Variants in KCNK16 observed in about 807,000 individuals in gnomAD.
The protein encoded by KCNK16 is potassium two pore domain channel subfamily K member 16, also known as potassium channel subfamily K member 16.
Under a neutral mutation model 23.0 loss-of-function variants are expected in KCNK16, and 23 were observed. That is an observed-to-expected ratio of 1.00 (90% CI 0.72 to 1.41). KCNK16 has a LOEUF of 1.41. Ranked by LOEUF, KCNK16 falls within the 40% of genes most tolerant of loss-of-function variation. The probability of loss-of-function intolerance (pLI) is 0.00; values close to 1 mark genes in which losing one functional copy is unlikely to be tolerated. For synonymous variants in KCNK16, 145 were observed against 153.5 expected (o/e 0.94, Z 0.41); for missense variants, 327 against 365.8 (o/e 0.89, Z 0.87).
intron 2 of KCNK16, among the ~76,000 whole-genome samples, chr6:39,318,261 CT>C (rs534826289): frequency 4.3e-4 from 66 of 152,182 alleles, no homozygotes; most frequent in African/African-American, 1.3e-3. Flanking sequence ...TTTTCTATTA[CT>C]TTTTTTTGTG....
downstream of KCNK16, chr6:39,314,961 G>A: frequency 6.5e-7 from 1 of 1,526,848 alleles, no homozygotes; most frequent in Non-Finnish European, 8.8e-7. Flanking sequence ...TCTACCTGGA[G>A]TGGAGGAAGC....
chr6:39,316,106 C>T (rs932293826), downstream of KCNK16: 7 of 1,405,772 alleles, frequency 5.0e-6, no homozygotes, highest in African/African-American at 1.0e-4. Context: ...GAGACCAGCC[C>T]TGGCTGAGAA....
downstream of KCNK16, chr6:39,315,123 C>CT (rs774247961): frequency 4.7e-5 from 76 of 1,614,138 alleles, no homozygotes; most frequent in Non-Finnish European, 6.3e-5. Flanking sequence ...ACAGCCTTGC[C>CT]TCAGACCTGT....
chr6:39,321,159 C>T (rs563132000), intron 1 of KCNK16, among the ~76,000 whole-genome samples: 6 of 152,288 alleles, frequency 3.9e-5, no homozygotes, highest in East Asian at 1.9e-4. Flanking sequence ...GTTCCTGAGT[C>T]GGCAGGTGCG....
At chr6:39,314,837 C>T, downstream of KCNK16, 1 of 699,984 alleles carries the variant, frequency 1.4e-6, no homozygotes, top group Non-Finnish European at 2.4e-6. Flanking sequence ...TTCCTTTGTA[C>T]CCCAAAAGAG....
rs200723732 is a variant in KCNK16, at chr6:39,319,006, C to T, written c.328+13G>A. ...GGGCCTTGGGGAAGCTCTTCTCTAC[C>T]CCAGCCCTTTACCTATGGTAGTGAC... is the stretch of plus-strand genomic sequence containing the variant. On this transcript the variant is annotated intron_variant, in intron 2 of 4. Coordinates refer to ENST00000437525, the MANE Select transcript of KCNK16 (RefSeq NM_001135106.2). This position sits in a 1 kb window ranked among gnomAD's most constrained non-coding sequence, Gnocchi z 4.2. The T allele has an allele frequency of 4.7e-5, 75 of 1,584,022 alleles. No homozygotes were observed. The East Asian group carries it at 1.6e-3, about 34-fold the overall frequency.
At chr6:39,321,190 A>G (rs1762504957) in intron 1 of KCNK16, among the ~76,000 whole-genome samples, 1 of 152,160 alleles carries the variant, frequency 6.6e-6, no homozygotes, top group Non-Finnish European at 1.5e-5. Flanking sequence ...TGACATCTCC[A>G]GTTCTAACAG....
In KCNK16 at chr6:39,316,462, C is replaced by T. The variant is rs776293726; in HGVS notation, c.662-20G>A. 11 of 1,582,974 alleles carry T rather than the reference C, an allele frequency of 6.9e-6. No individual in the cohort carries two copies. In the East Asian group the frequency reaches 2.3e-4, roughly 32 times the overall value. On this transcript the variant is annotated intron_variant, in intron 4 of 4. Coordinates refer to ENST00000437525, the MANE Select transcript of KCNK16 (RefSeq NM_001135106.2). ...CTGTGCCTGCCAGGGAAGGGAATGG[C>T]ATCAATGCCAGGGGTCTCAGGGCAT...
Position 39,319,883 on chromosome 6 carries a change from G to A in KCNK16, c.214-750C>T, listed in dbSNP as rs115643941. On this transcript the variant is annotated intron_variant, in intron 1 of 4. Coordinates refer to ENST00000437525, the MANE Select transcript of KCNK16 (RefSeq NM_001135106.2). This position sits in a 1 kb window ranked among gnomAD's most constrained non-coding sequence, Gnocchi z 4.2. The stretch of plus-strand genomic sequence containing the variant: ...TGTTGCATGTGTTTTCACAAGACCC[G>A]AACCTTTGCCGGCTCAAGCCTACAA... Among the ~76,000 whole-genome samples the A allele has an allele frequency of 0.021, 3,127 of 152,148 alleles. 93 individuals carry two copies. Among genetic ancestry groups the A allele is most frequent in the African/African-American group, 0.066 (2,734 of 41,480 alleles).
downstream of KCNK16, chr6:39,315,534 T>G: frequency 9.0e-7 from 1 of 1,112,902 alleles, no homozygotes; most frequent in Non-Finnish European, 1.3e-6. Flanking sequence ...CAAGGGGAGC[T>G]GGCGAGCTTT....
At position 39,316,203 on chromosome 6, in the gene KCNK16, G is replaced by GC. The variant is rs532663908; in HGVS notation, c.*15dup. On this transcript the variant is annotated 3_prime_UTR_variant, in exon 5 of 5. Transcript: ENST00000437525. ...TGGGGAGGATGAAAGGGGTTTCTGG[G>GC]CCCCCCCCGGGGGCCTCATGCAGAG... is the stretch of plus-strand genomic sequence containing the variant. The GC allele has an allele frequency of 1.6e-3, 2,346 of 1,495,972 alleles. 2 individuals are homozygous for GC. The highest frequency in any genetic ancestry group is 2.8e-3 in the Middle Eastern group (12 of 4,274). The allele number at this position is 1,495,972 out of a possible 1,614,324, so 92.7% of individuals were successfully genotyped here.
chr6:39,317,991 T>G, intron 2 of KCNK16, 39 bp from the exon 3 acceptor site: 1 of 1,542,284 alleles, frequency 6.5e-7, no homozygotes, highest in Non-Finnish European at 8.8e-7. Flanking sequence ...ATGGAGACTC[T>G]AGAACGCCCT....
chr6:39,316,070 C>G (rs750766310), downstream of KCNK16: 2 of 1,180,548 alleles, frequency 1.7e-6, no homozygotes, highest in Non-Finnish European at 2.3e-6. Flanking sequence ...ATATACCTGT[C>G]TCCTTTCTCT....
chr6:39,316,209 C>T lies in KCNK16; in HGVS notation c.*10G>A, dbSNP rs758986054. 2.0e-6 allele frequency: 3 copies of T among 1,513,122 alleles called. No homozygotes were observed. The highest frequency in any genetic ancestry group is 2.5e-5 in the South Asian group (2 of 78,858). The allele number at this position is 1,513,122 out of a possible 1,614,324, so 93.7% of individuals were successfully genotyped here. A position where few individuals can be genotyped will look rare whatever the true frequency, so the allele number is the denominator to read the frequency against. On this transcript the variant is annotated 3_prime_UTR_variant, in exon 5 of 5. Transcript: ENST00000437525. ...GGATGAAAGGGGTTTCTGGGCCCCC[C>T]CCGGGGGCCTCATGCAGAGATGGGG...
In KCNK16 at chr6:39,319,674, C is replaced by G. The variant is rs530474613; in HGVS notation, c.214-541G>C. 6.6e-5 allele frequency among the ~76,000 whole-genome samples: 10 copies of G among 152,198 alleles called. No homozygotes were observed. Among genetic ancestry groups the G allele is most frequent in the African/African-American group, 2.2e-4 (9 of 41,516 alleles). On this transcript the variant is annotated intron_variant, in intron 1 of 4. Coordinates refer to ENST00000437525, the MANE Select transcript of KCNK16 (RefSeq NM_001135106.2). The surrounding 1 kb of genome is among the most constrained non-coding windows in gnomAD (Gnocchi z 4.2). The stretch of plus-strand genomic sequence containing the variant: ...GAGTGGGCACCCTTGCTCTTTGCTG[C>G]TCTCTAGTGAGCCTCAGCCCTTGCC...
Position 39,319,750 on chromosome 6 carries a change from T to A in KCNK16, c.214-617A>T, listed in dbSNP as rs1762446963. Among the ~76,000 whole-genome samples the A allele has an allele frequency of 7.1e-6, 1 of 141,636 alleles. No homozygotes were observed. Among genetic ancestry groups the A allele is most frequent in the Admixed American group, 6.7e-5 (1 of 14,816 alleles). The allele number at this position is 141,636 out of a possible 152,430, so 92.9% of individuals were successfully genotyped here. ...AAGACAAAGGTGGCACGTGTGAGTG[T>A]GTGTGTGTGTGTGTGTGTGTGTGTG... is the stretch of plus-strand genomic sequence containing the variant. On this transcript the variant is annotated intron_variant, in intron 1 of 4. Coordinates refer to ENST00000437525, the MANE Select transcript of KCNK16 (RefSeq NM_001135106.2). This position sits in a 1 kb window ranked among gnomAD's most constrained non-coding sequence, Gnocchi z 4.2.
chr6:39,314,972 G>A (rs11756070), downstream of KCNK16: 792,265 of 1,559,394 alleles, frequency 0.51, 206,814 homozygotes, highest in African/African-American at 0.84. Context: ...TGGAGGAAGC[G>A]TCTAGGCTGT....
At chr6:39,318,529 A>G (rs1762406150) in intron 2 of KCNK16, among the ~76,000 whole-genome samples, 1 of 152,162 alleles carries the variant, frequency 6.6e-6, no homozygotes, top group Non-Finnish European at 1.5e-5. Flanking sequence ...TTCCCTCAGA[A>G]CACATGAGAT....
At chr6:39,314,768 C>A (rs1762246505), downstream of KCNK16, 4 of 520,016 alleles carry the variant, frequency 7.7e-6, no homozygotes, top group Non-Finnish European at 1.3e-5. Flanking sequence ...GGGGCTATCT[C>A]CAAGGACTTG....
Sources: gnomAD v4.1 joint callset for allele counts (sites outside exome capture counted in the v4.1 genomes callset) on GRCh38, gnomAD v4.1.1 for gene constraint, Gnocchi (gnomAD v3.1) non-coding constraint, MANE v1.5 for transcripts, NCBI Gene and HGNC (gene_info 2026-07-23, HGNC 2026-07-21) for gene names.